The following TNFAIP8 variants were observed in gnomAD, a reference collection of about 807,000 sequenced individuals.
The protein encoded by TNFAIP8 is TNF alpha induced protein 8, also known as tumor necrosis factor alpha-induced protein 8.
TNFAIP8 carries 7 observed loss-of-function variants against 13.3 expected under a neutral mutation model. The observed-to-expected ratio is 0.52, with a 90% CI of 0.30 to 0.99. TNFAIP8 has a LOEUF of 0.99. Ranked by LOEUF, TNFAIP8 falls within the 50% of genes least tolerant of loss-of-function variation. TNFAIP8 has a pLI of 0.07. For missense variants in TNFAIP8, 258 were observed against 236.9 expected (o/e 1.09, Z -0.58); for synonymous variants, 94 against 87.6 (o/e 1.07, Z -0.41).
chr5:119,382,255 C>G (rs772273150), intron 1 of TNFAIP8, among the ~76,000 whole-genome samples: 1 of 152,218 alleles, frequency 6.6e-6, no homozygotes, highest in Non-Finnish European at 1.5e-5. Context: ...TGTTTCCACT[C>G]TTTGCTACCA....
chr5:119,308,184 GT>G (rs1749622180), intron 1 of TNFAIP8, among the ~76,000 whole-genome samples: 1 of 152,156 alleles, frequency 6.6e-6, no homozygotes, highest in Admixed American at 6.5e-5. Context: ...AGGCACACTA[GT>G]TGTGAACTGA....
chr5:119,353,409 A>C (rs1030780292), upstream of TNFAIP8, among the ~76,000 whole-genome samples: 2 of 152,234 alleles, frequency 1.3e-5, no homozygotes, highest in African/African-American at 4.8e-5. Flanking sequence ...GTATGGGGCA[A>C]TGCAGCCTGC....
chr5:119,319,985 T>C (rs1750006127), intron 1 of TNFAIP8, among the ~76,000 whole-genome samples: 1 of 152,188 alleles, frequency 6.6e-6, no homozygotes, highest in Non-Finnish European at 1.5e-5. Flanking sequence ...AGATTTCTGT[T>C]CAGTTCAAGG....
intron 1 of TNFAIP8, 60 bp from the exon 2 acceptor site, chr5:119,392,756 C>G: frequency 6.9e-7 from 1 of 1,457,744 alleles, no homozygotes; most frequent in Non-Finnish European, 9.0e-7. Flanking sequence ...GTTTTTAGTT[C>G]GCTTCACTTG....
chr5:119,343,153 T>C (rs1750797889), intron 1 of TNFAIP8, among the ~76,000 whole-genome samples: 1 of 152,170 alleles, frequency 6.6e-6, no homozygotes, highest in Non-Finnish European at 1.5e-5. Flanking sequence ...AGGTGGCTAG[T>C]AAGGTTGCCT....
chr5:119,392,213 T>TG (rs1280503723), intron 1 of TNFAIP8, among the ~76,000 whole-genome samples: 3 of 152,214 alleles, frequency 2.0e-5, no homozygotes, highest in Non-Finnish European at 4.4e-5. Flanking sequence ...GCCAATGTCT[T>TG]GGGAAATTTG....
At chr5:119,341,771 C>G (rs961113333) in intron 1 of TNFAIP8, among the ~76,000 whole-genome samples, 7 of 152,126 alleles carry the variant, frequency 4.6e-5, no homozygotes, top group African/African-American at 1.4e-4. Flanking sequence ...AAATCTCAAT[C>G]AAAACAGTTC....
At chr5:119,288,207 T>A (rs148504945) in intron 1 of TNFAIP8, among the ~76,000 whole-genome samples, 26 of 152,358 alleles carry the variant, frequency 1.7e-4, no homozygotes, top group Non-Finnish European at 3.4e-4. Flanking sequence ...CACAGTTTAA[T>A]GTTCTGTTTC....
intron 1 of TNFAIP8, among the ~76,000 whole-genome samples, chr5:119,306,022 C>G (rs1007535933): frequency 6.6e-6 from 1 of 152,200 alleles, no homozygotes. Flanking sequence ...CCCTCAACCC[C>G]GCTGCCCACC....
At chr5:119,344,829 G>A (rs965504916) in intron 1 of TNFAIP8, among the ~76,000 whole-genome samples, 3 of 152,184 alleles carry the variant, frequency 2.0e-5, no homozygotes, top group African/African-American at 7.2e-5. Context: ...GCCTAAGTGA[G>A]AAAAATTTAT....
At chr5:119,321,668 C>T (rs778365563) in intron 1 of TNFAIP8, among the ~76,000 whole-genome samples, 6 of 152,170 alleles carry the variant, frequency 3.9e-5, no homozygotes, top group Non-Finnish European at 7.3e-5. Context: ...CAAATACGCA[C>T]ATCCTAAATC....
intron 1 of TNFAIP8, among the ~76,000 whole-genome samples, chr5:119,322,392 T>C (rs1033639084): frequency 6.6e-6 from 1 of 152,082 alleles, no homozygotes; most frequent in Non-Finnish European, 1.5e-5. Flanking sequence ...GAGCAGACCA[T>C]GCTGGCTATG....
At chr5:119,318,751 G>C (rs1749972983) in intron 1 of TNFAIP8, among the ~76,000 whole-genome samples, 2 of 135,400 alleles carry the variant, frequency 1.5e-5, no homozygotes, top group African/African-American at 2.8e-5. Flanking sequence ...ATGAACCCTT[G>C]ACTCCAGCGT....
chr5:119,342,425 TC>T (rs944359864), intron 1 of TNFAIP8, among the ~76,000 whole-genome samples: 2 of 152,234 alleles, frequency 1.3e-5, no homozygotes, highest in South Asian at 2.1e-4. Context: ...TCACCCTGCT[TC>T]CCCGTATTTG....
At chr5:119,310,600 C>G (rs1260797877) in intron 1 of TNFAIP8, among the ~76,000 whole-genome samples, 1 of 152,044 alleles carries the variant, frequency 6.6e-6, no homozygotes. Flanking sequence ...TTTGGGAGGC[C>G]GAGGCAGGTA....
intron 1 of TNFAIP8, among the ~76,000 whole-genome samples, chr5:119,347,191 T>C (rs903787578): frequency 1.3e-5 from 2 of 152,174 alleles, no homozygotes; most frequent in East Asian, 1.9e-4. Context: ...ATGCTCACAG[T>C]GTAAAAGTCC....
At chr5:119,381,966 G>T (rs1752502333) in intron 1 of TNFAIP8, among the ~76,000 whole-genome samples, 1 of 152,050 alleles carries the variant, frequency 6.6e-6, no homozygotes, top group South Asian at 2.1e-4. Flanking sequence ...GAGTACCTTT[G>T]TAGTATTTCC....
At chr5:119,347,515 C>T (rs1750948390) in intron 1 of TNFAIP8, among the ~76,000 whole-genome samples, 1 of 152,180 alleles carries the variant, frequency 6.6e-6, no homozygotes, top group African/African-American at 2.4e-5. Context: ...TAGGCTAGCA[C>T]ATTGTTCAGG....
chr5:119,372,996 T>C (rs923370926), intron 1 of TNFAIP8, among the ~76,000 whole-genome samples: 15 of 152,186 alleles, frequency 9.9e-5, no homozygotes, highest in Non-Finnish European at 2.1e-4. Context: ...GTTATGTTAG[T>C]TAACACTGCA....
Sources: allele counts gnomAD v4.1 joint callset (sites outside exome capture counted in the v4.1 genomes callset), GRCh38; gene constraint gnomAD v4.1.1; transcripts MANE v1.5; gene names NCBI Gene and HGNC (gene_info 2026-07-23, HGNC 2026-07-21).